The following KLHL15 variants were observed in gnomAD, a reference collection of about 807,000 sequenced individuals.
The protein encoded by KLHL15 is kelch like family member 15.
A neutral mutation model predicts 29.3 loss-of-function variants in KLHL15; 1 was observed. The observed-to-expected ratio is 0.03, with a 90% CI of 0.01 to 0.16. The LOEUF is 0.16. Ranked by LOEUF, KLHL15 falls within the 10% of genes least tolerant of loss-of-function variation. The probability of loss-of-function intolerance (pLI) is 1.00; values close to 1 mark genes in which losing one functional copy is unlikely to be tolerated. For synonymous variants in KLHL15, 212 were observed against 184.5 expected (o/e 1.15, Z -1.21); for missense variants, 215 against 478.5 (o/e 0.45, Z 5.14).
At chrX:24,009,820 T>C (rs1929537799) in intron 2 of KLHL15, among the ~76,000 whole-genome samples, 3 of 106,661 alleles carry the variant, frequency 2.8e-5, no homozygotes, top group South Asian at 8.4e-4. Context: ...AGAAACCTCC[T>C]CTCTACTAAA....
In KLHL15 at chrX:23,986,983, C is replaced by A. The variant is rs1928997600; in HGVS notation, c.*938G>T. On this transcript the variant is annotated 3_prime_UTR_variant, in exon 4 of 4. Transcript: ENST00000328046. ...TAAAAACAGGGTAACGTTAAACAGA[C>A]TGCAAAGAAAAACATTTTCAAAAAG... is the stretch of plus-strand genomic sequence containing the variant. The A allele has an allele frequency of 8.9e-6, 1 of 112,180 alleles. No individual in the cohort carries two copies. Among genetic ancestry groups the A allele is most frequent in the Non-Finnish European group, 1.9e-5 (1 of 53,221 alleles). The allele number at this position is 112,180 out of a possible 1,213,427, so 9.2% of individuals were successfully genotyped here. A position where few individuals can be genotyped will look rare whatever the true frequency, so the allele number is the denominator to read the frequency against.
chrX:24,021,261 C>A (rs1929798050), intron 2 of KLHL15, among the ~76,000 whole-genome samples: 1 of 110,894 alleles, frequency 9.0e-6, no homozygotes, highest in Non-Finnish European at 1.9e-5. Context: ...CCTTGAAAAC[C>A]AGCTACACTC....
chrX:24,008,749 T>A (rs1228373728), intron 2 of KLHL15, among the ~76,000 whole-genome samples: 2 of 109,223 alleles, frequency 1.8e-5, no homozygotes, highest in African/African-American at 6.7e-5. Flanking sequence ...ATCCCCTACA[T>A]GCTCAGGTTG....
chrX:24,017,007 A>G (rs961150810), intron 2 of KLHL15, among the ~76,000 whole-genome samples: 1 of 110,450 alleles, frequency 9.1e-6, no homozygotes, highest in African/African-American at 3.3e-5. Context: ...GCTAGAAATA[A>G]AGTTAAGACT....
At position 24,025,297 on chromosome X, in the gene KLHL15, A is replaced by C. The variant is rs569258432; in HGVS notation, c.-209-239T>G. ...CGGCGTCTCTGGGCTTCTGCCCCGA[A>C]GCGCGCCGAGCCTCGGGATCACCCA... On this transcript the variant is annotated intron_variant, in intron 1 of 3. Coordinates refer to ENST00000328046, the MANE Select transcript of KLHL15 (RefSeq NM_030624.3). Among the ~76,000 whole-genome samples, 4 of 105,591 alleles carry C rather than the reference A, an allele frequency of 3.8e-5. No individual in the cohort carries two copies. The South Asian group carries it at 1.7e-3, about 44-fold the overall frequency. The allele number at this position is 105,591 out of a possible 115,157, so 91.7% of individuals were successfully genotyped here.
chrX:24,006,850 G>C, intron 2 of KLHL15, 150 bp from the exon 3 acceptor site: 1 of 467,321 alleles, frequency 2.1e-6, no homozygotes, highest in South Asian at 3.7e-5. Flanking sequence ...CAATCTAAAG[G>C]TTTGCAGACT....
intron 2 of KLHL15, among the ~76,000 whole-genome samples, chrX:24,012,832 C>A (rs189881489): frequency 1.6e-3 from 182 of 111,277 alleles, no homozygotes; most frequent in Non-Finnish European, 3.2e-3. Flanking sequence ...CCCTAACCTA[C>A]CTTTAAGTCC....
intron 3 of KLHL15, among the ~76,000 whole-genome samples, chrX:23,997,754 A>AAAATC (rs1555975594): frequency 1.5e-5 from 1 of 67,178 alleles, no homozygotes; most frequent in African/African-American, 9.0e-5. Flanking sequence ...AAAAAAAAAA[A>AAAATC]TTTTTTTTTT....
At chrX:24,007,503 AAAAAAATAT>A (rs1317561926) in intron 2 of KLHL15, among the ~76,000 whole-genome samples, 10 of 55,788 alleles carry the variant, frequency 1.8e-4, no homozygotes, top group African/African-American at 8.9e-4. Context: ...AAAAAAAAAA[AAAAAAATAT>A]ATATATATAT....
chrX:24,022,340 A>T lies in KLHL15; in HGVS notation c.-8+2517T>A, dbSNP rs1206834653. On this transcript the variant is annotated intron_variant, in intron 2 of 3. Transcript: ENST00000328046. ...ACAGAGCAAGACTGTGTCTCAAAAG[A>T]TAAAAAAAAAAAAAAAAAAAGGCTG... 1.6e-3 allele frequency among the ~76,000 whole-genome samples: 127 copies of T among 78,805 alleles called. 2 individuals are homozygous for T. In the Middle Eastern group the frequency reaches 0.02, roughly 12 times the overall value. The allele number at this position is 78,805 out of a possible 115,157, so 68.4% of individuals were successfully genotyped here.
intron 3 of KLHL15, among the ~76,000 whole-genome samples, chrX:23,992,875 T>C (rs72620466): frequency 0.11 from 11,773 of 111,477 alleles, 666 homozygotes; most frequent in African/African-American, 0.22. Context: ...TACAAGAATA[T>C]AGTGAATAAG....
chrX:24,010,825 A>G (rs1252426026), intron 2 of KLHL15, among the ~76,000 whole-genome samples: 4 of 111,095 alleles, frequency 3.6e-5, no homozygotes, highest in Non-Finnish European at 7.5e-5. Flanking sequence ...CTCCTTCTTT[A>G]GGGAGGCTGT....
chrX:24,024,208 TAC>T (rs755559458), intron 2 of KLHL15, among the ~76,000 whole-genome samples: 229 of 111,986 alleles, frequency 2.0e-3, no homozygotes, highest in African/African-American at 6.8e-3. Flanking sequence ...ACGTGACTAT[TAC>T]AGATCTATGG....
intron 2 of KLHL15, among the ~76,000 whole-genome samples, chrX:24,009,360 T>C (rs1407153876): frequency 3.6e-5 from 4 of 110,438 alleles, no homozygotes; most frequent in Non-Finnish European, 7.6e-5. Flanking sequence ...TAACCAGGCA[T>C]GGTGGCGGGC....
At position 23,987,964 on chromosome X, in the gene KLHL15, T is replaced by C; in HGVS notation, c.1772A>G (p.His591Arg). The change falls in exon 4 of 4, where the codon CAT (histidine) becomes CGT (arginine). Residue 591 changes from histidine (H) to arginine (R), a missense_variant. Physicochemically the swap from His to Arg is conservative, Grantham distance 29. Coordinates refer to ENST00000328046, the MANE Select transcript of KLHL15 (RefSeq NM_030624.3). ...KLDGLQVCNLHFPDYVLDEVR... is the reference protein window; with the variant it reads ...KLDGLQVCNLRFPDYVLDEVR... ...CTCATCCAGTACATAGTCCGGAAAA[T>C]GCAGGTTGCATACTTGTAAACCATC... The C allele has an allele frequency of 8.3e-7, 1 of 1,210,517 alleles. No homozygotes were observed. Among genetic ancestry groups the C allele is most frequent in the Non-Finnish European group, 1.1e-6 (1 of 894,670 alleles).
At chrX:24,014,049 C>A in intron 2 of KLHL15, among the ~76,000 whole-genome samples, 1 of 103,381 alleles carries the variant, frequency 9.7e-6, no homozygotes. Flanking sequence ...AGAAGGAGCA[C>A]TTGAAAGACC....
chrX:24,026,073 A>AT (rs919781814), intron 1 of KLHL15, among the ~76,000 whole-genome samples: 10 of 112,098 alleles, frequency 8.9e-5, no homozygotes, highest in African/African-American at 3.2e-4. Context: ...GAGCTTTTCC[A>AT]TAGCTACCTG....
chrX:23,995,424 A>T (rs1304368499), intron 3 of KLHL15, among the ~76,000 whole-genome samples: 1 of 108,212 alleles, frequency 9.2e-6, no homozygotes, highest in Admixed American at 1.0e-4. Flanking sequence ...AAAAAAAAAA[A>T]AAGGCTGGCT....
intron 3 of KLHL15, among the ~76,000 whole-genome samples, chrX:23,997,941 A>G (rs1929228118): frequency 9.3e-6 from 1 of 108,070 alleles, no homozygotes; most frequent in African/African-American, 3.4e-5. Flanking sequence ...AAAACAAACA[A>G]AAAACCCTAA....
Sources: gnomAD v4.1 joint callset for allele counts (sites outside exome capture counted in the v4.1 genomes callset) on GRCh38, gnomAD v4.1.1 for gene constraint, MANE v1.5 for transcripts, NCBI Gene and HGNC (gene_info 2026-07-23, HGNC 2026-07-21) for gene names.